The following GRIP1 variants were observed in gnomAD, a reference collection of about 807,000 sequenced individuals.
GRIP1 encodes glutamate receptor-interacting protein 1.
A neutral mutation model predicts 129.9 loss-of-function variants in GRIP1; 45 were observed. That is an observed-to-expected ratio of 0.35 (90% CI 0.27 to 0.44). The LOEUF (loss-of-function observed/expected upper bound fraction) is 0.44, where lower values mean the gene tolerates loss of function less well. GRIP1 is among the 20% of genes least tolerant of loss of function. The pLI is 1.00. For synonymous variants in GRIP1, 530 were observed against 520.8 expected (o/e 1.02, Z -0.24); for missense variants, 1,196 against 1,396.8 (o/e 0.86, Z 2.29).
At chr12:66,679,356 C>T (rs2034488009), upstream of GRIP1, among the ~76,000 whole-genome samples, 1 of 144,082 alleles carries the variant, frequency 6.9e-6, no homozygotes, top group Non-Finnish European at 1.5e-5. Context: ...TTATATGTCT[C>T]ATTTAATGGG....
chr12:66,992,869 T>C (rs1592439946), intron 1 of GRIP1, among the ~76,000 whole-genome samples: 1 of 152,146 alleles, frequency 6.6e-6, no homozygotes, highest in East Asian at 1.9e-4. Flanking sequence ...TCCCAGCACT[T>C]TGGGAGGCCA....
At chr12:66,491,780 G>A (rs2060110347) in intron 7 of GRIP1, among the ~76,000 whole-genome samples, 1 of 152,134 alleles carries the variant, frequency 6.6e-6, no homozygotes, top group African/African-American at 2.4e-5. Flanking sequence ...AATTACCAAT[G>A]GAAAGATGAA....
At chr12:66,512,595 A>G (rs2138894380) in intron 7 of GRIP1, among the ~76,000 whole-genome samples, 1 of 122,162 alleles carries the variant, frequency 8.2e-6, no homozygotes, top group South Asian at 2.4e-4. Flanking sequence ...CCTTTAATAT[A>G]TAAATAGTTA....
chr12:66,356,089 G>A (rs942265803), intron 23 of GRIP1, among the ~76,000 whole-genome samples: 1 of 152,184 alleles, frequency 6.6e-6, no homozygotes, highest in East Asian at 1.9e-4. Flanking sequence ...ACCAGGGCCA[G>A]GCCGGCCTAT....
chr12:66,385,402 G>C (rs148103119), intron 19 of GRIP1, among the ~76,000 whole-genome samples: 5,756 of 151,834 alleles, frequency 0.038, 382 homozygotes, highest in African/African-American at 0.13. Context: ...TGGGCGTGGT[G>C]GTGGGCACCT....
intron 1 of GRIP1, among the ~76,000 whole-genome samples, chr12:66,729,386 G>T (rs2036357414): frequency 6.6e-6 from 1 of 152,052 alleles, no homozygotes; most frequent in Non-Finnish European, 1.5e-5. Context: ...CAAATAGTGA[G>T]CATAATAAAT....
intron 1 of GRIP1, among the ~76,000 whole-genome samples, chr12:66,652,855 C>T (rs1384722725): frequency 2.0e-5 from 3 of 152,166 alleles, no homozygotes; most frequent in Admixed American, 6.5e-5. Flanking sequence ...CCTGTGTATG[C>T]CTTGCATATG....
upstream of GRIP1, among the ~76,000 whole-genome samples, chr12:66,679,661 C>T (rs1485326580): frequency 6.6e-6 from 1 of 152,094 alleles, no homozygotes; most frequent in East Asian, 1.9e-4. Context: ...GATGGAGTCC[C>T]AGCCCCTTTA....
chr12:66,854,482 G>T (rs992471207), intron 1 of GRIP1, among the ~76,000 whole-genome samples: 2 of 146,616 alleles, frequency 1.4e-5, no homozygotes, highest in Admixed American at 1.4e-4. Flanking sequence ...GGAATGGTGT[G>T]GAGGGGGGCT....
At chr12:66,602,104 A>T (rs1477079839) in intron 1 of GRIP1, among the ~76,000 whole-genome samples, 1 of 152,178 alleles carries the variant, frequency 6.6e-6, no homozygotes, top group Non-Finnish European at 1.5e-5. Flanking sequence ...GAAACAAGCC[A>T]TTTTAGGCTT....
intron 1 of GRIP1, among the ~76,000 whole-genome samples, chr12:66,652,655 G>C (rs567758458): frequency 6.6e-6 from 1 of 152,226 alleles, no homozygotes; most frequent in Non-Finnish European, 1.5e-5. Context: ...CCAACAAATA[G>C]AGGTAGACGC....
chr12:67,010,035 G>T (rs948793597), intron 1 of GRIP1, among the ~76,000 whole-genome samples: 1 of 152,122 alleles, frequency 6.6e-6, no homozygotes, highest in Admixed American at 6.6e-5. Flanking sequence ...CTAAGAGGGT[G>T]TTTCTTAATG....
intron 1 of GRIP1, among the ~76,000 whole-genome samples, chr12:66,993,224 T>C (rs749199874): frequency 2.6e-5 from 4 of 152,104 alleles, no homozygotes; most frequent in African/African-American, 4.8e-5. Context: ...GGGAAATTTA[T>C]AGCTGGAAAC....
intron 1 of GRIP1, among the ~76,000 whole-genome samples, chr12:66,860,282 T>C (rs1022636323): frequency 5.3e-5 from 8 of 152,068 alleles, no homozygotes; most frequent in Admixed American, 5.2e-4. Flanking sequence ...GTGTGAATGC[T>C]TTGCATAGTT....
intron 1 of GRIP1, among the ~76,000 whole-genome samples, chr12:66,878,214 T>C (rs2040414795): frequency 6.6e-6 from 1 of 152,018 alleles, no homozygotes; most frequent in South Asian, 2.1e-4. Flanking sequence ...TCCATGTTCC[T>C]GCAGGACATA....
At chr12:66,685,278 G>C (rs998899203) in intron 1 of GRIP1, among the ~76,000 whole-genome samples, 2 of 151,942 alleles carry the variant, frequency 1.3e-5, no homozygotes, top group Non-Finnish European at 2.9e-5. Context: ...TGGGGGCAGG[G>C]GGAAGTATTA....
At chr12:66,491,381 A>G (rs1318386111) in intron 7 of GRIP1, among the ~76,000 whole-genome samples, 1 of 152,232 alleles carries the variant, frequency 6.6e-6, no homozygotes, top group African/African-American at 2.4e-5. Flanking sequence ...CAAATACTGC[A>G]TGTCCTCATT....
At chr12:66,407,063 T>C (rs1381150957) in intron 15 of GRIP1, among the ~76,000 whole-genome samples, 1 of 152,174 alleles carries the variant, frequency 6.6e-6, no homozygotes, top group Non-Finnish European at 1.5e-5. Context: ...GAATGTAGTA[T>C]GTATATGTTT....
intron 1 of GRIP1, among the ~76,000 whole-genome samples, chr12:66,621,523 C>G (rs1421744976): frequency 6.6e-6 from 1 of 152,082 alleles, no homozygotes; most frequent in East Asian, 1.9e-4. Flanking sequence ...CTCGTGTCCA[C>G]CTTTTGGCTA....
Sources: allele counts gnomAD v4.1 joint callset (sites outside exome capture counted in the v4.1 genomes callset), GRCh38; gene constraint gnomAD v4.1.1; transcripts MANE v1.5; gene names NCBI Gene and HGNC (gene_info 2026-07-23, HGNC 2026-07-21).